CTNND2: variants seen among roughly 807,000 people sequenced by gnomAD.
CTNND2 encodes catenin delta 2, also known as catenin delta-2.
In CTNND2, 22 loss-of-function variants were observed where a neutral mutation model predicts 144.4. The observed-to-expected ratio is 0.15, with a 90% CI of 0.11 to 0.22. The LOEUF (loss-of-function observed/expected upper bound fraction) is 0.22. Among genes scored for constraint, CTNND2 ranks in the 10% least tolerant of loss-of-function variants. The probability of loss-of-function intolerance (pLI) is 1.00; values close to 1 mark genes in which losing one functional copy is unlikely to be tolerated. For missense variants in CTNND2, 1,353 were observed against 1,618.8 expected (o/e 0.84, Z 2.82); for synonymous variants, 751 against 695.6 (o/e 1.08, Z -1.25).
intron 7 of CTNND2, among the ~76,000 whole-genome samples, chr5:11,380,478 C>T (rs977872052): frequency 1.3e-5 from 2 of 152,132 alleles, no homozygotes; most frequent in Admixed American, 6.5e-5. Context: ...AATTTTAAGC[C>T]GGTGAGCAAT....
intron 2 of CTNND2, chr5:11,589,005 T>C: frequency 1.0e-6 from 1 of 985,378 alleles, no homozygotes; most frequent in East Asian, 1.1e-4. Flanking sequence ...ATTTCTGCTT[T>C]CACTCGCAAA....
chr5:11,173,010 G>A (rs1031462171), intron 11 of CTNND2, among the ~76,000 whole-genome samples: 12 of 152,292 alleles, frequency 7.9e-5, no homozygotes, highest in South Asian at 2.1e-4. Flanking sequence ...TCTGGATGGC[G>A]AAACTGATGT....
intron 20 of CTNND2, chr5:10,986,595 A>G: frequency 2.3e-6 from 1 of 440,566 alleles, no homozygotes; most frequent in Non-Finnish European, 4.5e-6. Context: ...CTGTTCATCT[A>G]CGCGGCAACA....
intron 3 of CTNND2, among the ~76,000 whole-genome samples, chr5:11,560,630 T>C (rs1281243070): frequency 6.6e-6 from 1 of 152,092 alleles, no homozygotes; most frequent in Non-Finnish European, 1.5e-5. Flanking sequence ...CTTTGTGAAG[T>C]TACAACCACT....
chr5:11,648,443 T>TC (rs1473323491), intron 2 of CTNND2, among the ~76,000 whole-genome samples: 1 of 152,152 alleles, frequency 6.6e-6, no homozygotes, highest in African/African-American at 2.4e-5. Flanking sequence ...TACTGACCTA[T>TC]CCATTCTTCA....
chr5:11,438,368 G>A (rs939727701), intron 3 of CTNND2, among the ~76,000 whole-genome samples: 1 of 152,172 alleles, frequency 6.6e-6, no homozygotes, highest in African/African-American at 2.4e-5. Flanking sequence ...AGGCACAGTC[G>A]TGATTATAGA....
chr5:11,502,744 C>G (rs1051641352), intron 3 of CTNND2, among the ~76,000 whole-genome samples: 2 of 152,130 alleles, frequency 1.3e-5, no homozygotes, highest in Non-Finnish European at 2.9e-5. Flanking sequence ...CCACCCTCAC[C>G]AACTCCTGAA....
At chr5:11,767,993 T>C (rs1160141092) in intron 1 of CTNND2, among the ~76,000 whole-genome samples, 2 of 152,204 alleles carry the variant, frequency 1.3e-5, no homozygotes, top group Non-Finnish European at 2.9e-5. Context: ...ACAAAAATTC[T>C]AGGTTGAAAC....
chr5:11,723,099 A>G (rs1786777981), intron 2 of CTNND2, among the ~76,000 whole-genome samples: 1 of 151,946 alleles, frequency 6.6e-6, no homozygotes, highest in Admixed American at 6.5e-5. Context: ...ATCACTGAAG[A>G]TTTTCAACAA....
At chr5:11,148,668 C>A (rs2149748110) in intron 12 of CTNND2, among the ~76,000 whole-genome samples, 1 of 152,308 alleles carries the variant, frequency 6.6e-6, no homozygotes, top group African/African-American at 2.4e-5. Context: ...GGGCTGCTGT[C>A]CCCTTCTGTC....
At chr5:11,808,293 G>A (rs536552387) in intron 1 of CTNND2, among the ~76,000 whole-genome samples, 1 of 152,078 alleles carries the variant, frequency 6.6e-6, no homozygotes, top group African/African-American at 2.4e-5. Context: ...GATGACGGTC[G>A]AGGAGCTGAG....
intron 10 of CTNND2, among the ~76,000 whole-genome samples, chr5:11,213,126 A>C (rs1294463240): frequency 1.3e-5 from 2 of 152,138 alleles, no homozygotes; most frequent in East Asian, 3.8e-4. Flanking sequence ...ACATCTCTCA[A>C]CCATTTTTGT....
At chr5:11,622,299 T>C (rs1003032802) in intron 2 of CTNND2, among the ~76,000 whole-genome samples, 2 of 152,134 alleles carry the variant, frequency 1.3e-5, no homozygotes, top group African/African-American at 4.8e-5. Flanking sequence ...GACCAAAAAG[T>C]AAATGAACTT....
intron 9 of CTNND2, among the ~76,000 whole-genome samples, chr5:11,324,628 G>A (rs1349630921): frequency 1.3e-5 from 2 of 152,116 alleles, no homozygotes; most frequent in African/African-American, 2.4e-5. Flanking sequence ...TAACAAGGTC[G>A]GGGGCACATC....
intron 2 of CTNND2, among the ~76,000 whole-genome samples, chr5:11,651,051 T>C (rs1049470027): frequency 6.6e-6 from 1 of 152,102 alleles, no homozygotes; most frequent in Non-Finnish European, 1.5e-5. Context: ...ATGGGGAAAA[T>C]ACCTTGAAGG....
Position 11,903,468 on chromosome 5 carries a change from G to T in CTNND2, c.37+349C>A. The T allele has an allele frequency of 1.3e-6, 1 of 749,590 alleles. No homozygotes were observed. The highest frequency in any genetic ancestry group is 1.7e-6 in the Non-Finnish European group (1 of 582,530). 46.4% of individuals were successfully genotyped at this position (749,590 alleles called of 1,614,324 possible). ...TCCTCCCGTATATTAGGGACGTCAT[G>T]AATGCACCGAGTATGTTCTCAGGGT... On this transcript the variant is annotated intron_variant, in intron 1 of 21. Transcript: ENST00000304623. This position sits in a 1 kb window ranked among gnomAD's most constrained non-coding sequence, Gnocchi z 5.4.
At chr5:10,985,945 T>TACC (rs976311721) in intron 20 of CTNND2, among the ~76,000 whole-genome samples, 3 of 152,220 alleles carry the variant, frequency 2.0e-5, no homozygotes, top group South Asian at 4.1e-4. Context: ...TCACCCTCAC[T>TACC]ACCACCACCA....
chr5:11,466,114 A>G (rs567915415), intron 3 of CTNND2, among the ~76,000 whole-genome samples: 1 of 152,116 alleles, frequency 6.6e-6, no homozygotes, highest in Admixed American at 6.5e-5. Context: ...CAATCCTCCC[A>G]CCTCAGCCTC....
chr5:11,778,162 C>T (rs1186079501), intron 1 of CTNND2, among the ~76,000 whole-genome samples: 2 of 152,150 alleles, frequency 1.3e-5, no homozygotes, highest in East Asian at 3.9e-4. Context: ...GTTCTAACTA[C>T]ATACAACACC....
Sources: allele counts gnomAD v4.1 joint callset (sites outside exome capture counted in the v4.1 genomes callset), GRCh38; gene constraint gnomAD v4.1.1; non-coding constraint Gnocchi (gnomAD v3.1); transcripts MANE v1.5; gene names NCBI Gene and HGNC (gene_info 2026-07-23, HGNC 2026-07-21).